The following TET3 variants were observed in gnomAD, a reference collection of about 807,000 sequenced individuals.
The protein encoded by TET3 is tet methylcytosine dioxygenase 3, also known as methylcytosine dioxygenase TET3.
A neutral mutation model predicts 141.4 loss-of-function variants in TET3; 19 were observed. The ratio of observed to expected loss-of-function variants is 0.13; its 90% confidence interval spans 0.09 to 0.20. The LOEUF is 0.20. Among genes scored for constraint, TET3 ranks in the 10% least tolerant of loss-of-function variants. The pLI, the probability that TET3 is intolerant of heterozygous loss-of-function variation, is 1.00. For missense variants in TET3, 1,874 were observed against 2,356.9 expected, an observed-to-expected ratio of 0.80 and a Z score of 4.24; for synonymous variants, 1,043 against 980.9, an observed-to-expected ratio of 1.06 and a Z score of -1.18.
rs1270433584 is a variant in TET3, at chr2:74,108,115, CTGG to C, written c.*5941_*5943del. ...ACTGGGTTTGTGAACTGTATTACTC[CTGG>C]TATCTTTAAAATATTGTGGGTGTTT... On this transcript the variant is annotated 3_prime_UTR_variant, in exon 12 of 12. Coordinates refer to ENST00000409262, the MANE Select transcript of TET3 (RefSeq NM_001287491.2). 2.0e-5 allele frequency: 3 copies of C among 153,654 alleles called. No individual in the cohort carries two copies. Among genetic ancestry groups the C allele is most frequent in the Admixed American group, 6.5e-5 (1 of 15,278 alleles). The allele number at this position is 153,654 out of a possible 1,614,324, so 9.5% of individuals were successfully genotyped here. A position where few individuals can be genotyped will look rare whatever the true frequency, so the allele number is the denominator to read the frequency against.
the TET3 span, among the ~76,000 whole-genome samples, chr2:74,115,555 C>G: frequency 6.6e-6 from 1 of 151,826 alleles, no homozygotes; most frequent in African/African-American, 2.4e-5. Flanking sequence ...ACCACTGTAC[C>G]CCTAAAACTG....
At chr2:74,134,831 A>G in the TET3 span, 2 of 449,940 alleles carry the variant, frequency 4.4e-6, no homozygotes, top group South Asian at 1.6e-5. Flanking sequence ...ATCAGCTGCC[A>G]CTACCACCAT....
intron 3 of TET3, among the ~76,000 whole-genome samples, chr2:74,032,852 G>A (rs1686828281): frequency 6.6e-6 from 1 of 151,898 alleles, no homozygotes; most frequent in South Asian, 2.1e-4. Flanking sequence ...TAGAGTTGCA[G>A]GGCTATATTT....
At chr2:74,063,675 G>C (rs1688721574) in intron 4 of TET3, among the ~76,000 whole-genome samples, 1 of 152,116 alleles carries the variant, frequency 6.6e-6, no homozygotes, top group African/African-American at 2.4e-5. Context: ...TGTTCAGTGG[G>C]TATAAAGTTA....
At chr2:74,060,367 T>C (rs574676354) in intron 4 of TET3, among the ~76,000 whole-genome samples, 22 of 152,290 alleles carry the variant, frequency 1.4e-4, no homozygotes, top group African/African-American at 4.3e-4. Flanking sequence ...TCTTATTGAG[T>C]GGTAAGGGTT....
chr2:74,119,198 CA>C, the TET3 span, among the ~76,000 whole-genome samples: 1 of 151,884 alleles, frequency 6.6e-6, no homozygotes, highest in African/African-American at 2.4e-5. Context: ...ACTAAAAATC[CA>C]AAAATTAGCT....
intron 3 of TET3, among the ~76,000 whole-genome samples, chr2:74,031,461 A>G (rs1686684534): frequency 6.6e-6 from 1 of 152,128 alleles, no homozygotes; most frequent in South Asian, 2.1e-4. Flanking sequence ...ACATGTGCAA[A>G]CCCAGATTAC....
chr2:73,992,589 C>T (rs2105089842), intron 2 of TET3, among the ~76,000 whole-genome samples: 1 of 152,294 alleles, frequency 6.6e-6, no homozygotes, highest in East Asian at 1.9e-4. Flanking sequence ...GCTGGGATTA[C>T]AGGCGTGAGC....
chr2:74,058,394 G>A (rs1688323916), intron 4 of TET3, among the ~76,000 whole-genome samples: 1 of 152,100 alleles, frequency 6.6e-6, no homozygotes, highest in African/African-American at 2.4e-5. Flanking sequence ...GTCAAAGGTG[G>A]AATAGAAAAC....
At position 74,101,402 on chromosome 2, in the gene TET3, G is replaced by A. The variant is rs1479195436; in HGVS notation, c.4614G>A (p.Gly1538=). 6.2e-7 allele frequency: 1 copy of A among 1,613,964 alleles called. No individual in the cohort carries two copies. The change falls in exon 12 of 12, where the codon GGG becomes GGA. Residue 1538 remains glycine (G), a synonymous_variant. Transcript: ENST00000409262. This position sits in a 1 kb window ranked among gnomAD's most constrained non-coding sequence, Gnocchi z 8.5. ...PSLTEKPWAL[G]AGDFNSALKG... The stretch of plus-strand genomic sequence containing the variant: ...TGACTGAGAAGCCGTGGGCGCTGGG[G>A]GCAGGGGATTTCAACTCGGCCCTGA...
chr2:74,067,565 T>C (rs1033106391), intron 4 of TET3, among the ~76,000 whole-genome samples: 1 of 152,178 alleles, frequency 6.6e-6, no homozygotes, highest in Non-Finnish European at 1.5e-5. Context: ...TACGTAACAA[T>C]TATGTTTTAT....
chr2:74,009,413 A>T (rs1685311285), intron 3 of TET3, among the ~76,000 whole-genome samples: 1 of 152,230 alleles, frequency 6.6e-6, no homozygotes, highest in Non-Finnish European at 1.5e-5. Context: ...TGATGGCTTG[A>T]ATAGGCTCAG....
chr2:74,027,337 CT>C (rs10649560), intron 3 of TET3, among the ~76,000 whole-genome samples: 6,328 of 139,522 alleles, frequency 0.045, 348 homozygotes, highest in African/African-American at 0.14. Flanking sequence ...TGAGAAGTGA[CT>C]TTTTTTTTTT....
In TET3 at chr2:74,100,811, C is replaced by A. The variant is rs1291709124; in HGVS notation, c.4023C>A (p.Pro1341=). 6.2e-7 allele frequency: 1 copy of A among 1,612,670 alleles called. No individual in the cohort carries two copies. The highest frequency in any genetic ancestry group is 8.5e-7 in the Non-Finnish European group (1 of 1,179,526). The part of the protein sequence containing the change: ...AYGGAEFAEL[P]SQAVPTDAHH... ...GTGGTGCTGAGTTTGCCGAGCTGCC[C>A]AGCCAGGCTGTTCCCACAGACGCCC... is the stretch of plus-strand genomic sequence containing the variant. The change falls in exon 12 of 12, where the codon CCC becomes CCA. Residue 1341 remains proline (P), a synonymous_variant. Coordinates refer to ENST00000409262, the MANE Select transcript of TET3 (RefSeq NM_001287491.2).
chr2:74,105,875 CTA>C lies in TET3; in HGVS notation c.*3703_*3704del, dbSNP rs1395149377. 1 of 154,962 alleles carries C rather than the reference CTA, an allele frequency of 6.5e-6. No individual in the cohort carries two copies. Among genetic ancestry groups the C allele is most frequent in the African/African-American group, 2.4e-5 (1 of 41,508 alleles). 9.6% of individuals were successfully genotyped at this position (154,962 alleles called of 1,614,324 possible). A position where few individuals can be genotyped will look rare whatever the true frequency, so the allele number is the denominator to read the frequency against. On this transcript the variant is annotated 3_prime_UTR_variant, in exon 12 of 12. Coordinates refer to ENST00000409262, the MANE Select transcript of TET3 (RefSeq NM_001287491.2). ...AAACCAAGGCAAAGCTGGTGGAAAACTATATGATATCCCTGACGTGCCTCAAC... is the reference window on the plus strand; with the variant it reads ...AAACCAAGGCAAAGCTGGTGGAAAACTATGATATCCCTGACGTGCCTCAAC...
the TET3 span, among the ~76,000 whole-genome samples, chr2:74,125,007 T>A: frequency 2.0e-5 from 2 of 101,908 alleles, no homozygotes; most frequent in African/African-American, 1.1e-4. Context: ...ACTCGGAATT[T>A]TTTTTCTTTT....
At chr2:74,027,588 A>G (rs564595778) in intron 3 of TET3, among the ~76,000 whole-genome samples, 7 of 152,152 alleles carry the variant, frequency 4.6e-5, no homozygotes, top group Non-Finnish European at 1.0e-4. Context: ...GATTTACCCA[A>G]TCCATGCATT....
chr2:74,003,424 G>GTTT (rs768499958), intron 3 of TET3, among the ~76,000 whole-genome samples: 1,995 of 130,126 alleles, frequency 0.015, 61 homozygotes, highest in African/African-American at 0.053. Flanking sequence ...TTGTTGAACT[G>GTTT]TTTTTTTTTT....
intron 6 of TET3, among the ~76,000 whole-genome samples, chr2:74,083,683 T>A (rs527272072): frequency 2.8e-4 from 43 of 152,314 alleles, no homozygotes; most frequent in Non-Finnish European, 5.4e-4. Flanking sequence ...GGAACTCCTC[T>A]GTGCTGTTTT....
Sources: gnomAD v4.1 joint callset for allele counts (sites outside exome capture counted in the v4.1 genomes callset) on GRCh38, gnomAD v4.1.1 for gene constraint, Gnocchi (gnomAD v3.1) non-coding constraint, MANE v1.5 for transcripts, NCBI Gene and HGNC (gene_info 2026-07-23, HGNC 2026-07-21) for gene names.